Variants in ARMC9 observed in about 807,000 individuals in gnomAD.
ARMC9 encodes the protein armadillo repeat containing 9, also known as lisH domain-containing protein ARMC9.
Under a neutral mutation model 107.0 loss-of-function variants are expected in ARMC9, and 94 were observed. The observed-to-expected ratio is 0.88, with a 90% CI of 0.74 to 1.04. ARMC9 has a LOEUF of 1.04. Ranked by LOEUF, ARMC9 falls within the 50% of genes least tolerant of loss-of-function variation. The pLI is 0.00. For synonymous variants in ARMC9, 380 were observed against 396.9 expected (o/e 0.96, Z 0.51); for missense variants, 942 against 1,030.1 (o/e 0.91, Z 1.17).
At chr2:231,240,664 C>T (rs1020875461) in intron 9 of ARMC9, among the ~76,000 whole-genome samples, 13 of 152,182 alleles carry the variant, frequency 8.5e-5, no homozygotes, top group African/African-American at 3.1e-4. Flanking sequence ...TATACAGTTA[C>T]CAACTTCAGT....
chr2:231,339,039 A>G (rs914373753), intron 20 of ARMC9, among the ~76,000 whole-genome samples: 1 of 152,200 alleles, frequency 6.6e-6, no homozygotes, highest in Non-Finnish European at 1.5e-5. Context: ...CTTAAAAATT[A>G]TATGTATAGG....
chr2:231,299,633 G>T (rs766817085), intron 19 of ARMC9, among the ~76,000 whole-genome samples: 1 of 152,210 alleles, frequency 6.6e-6, no homozygotes, highest in Non-Finnish European at 1.5e-5. Flanking sequence ...GCACAGAAGA[G>T]CAATAGTGGC....
At chr2:231,234,853 G>A (rs923786084) in intron 7 of ARMC9, among the ~76,000 whole-genome samples, 5 of 152,168 alleles carry the variant, frequency 3.3e-5, no homozygotes, top group African/African-American at 7.2e-5. Context: ...TGATCTGCCC[G>A]CCTCGGCCTC....
At chr2:231,334,792 G>C (rs2043974428) in intron 20 of ARMC9, among the ~76,000 whole-genome samples, 1 of 152,134 alleles carries the variant, frequency 6.6e-6, no homozygotes, top group Non-Finnish European at 1.5e-5. Flanking sequence ...TGCCGGGTTG[G>C]GGATCTCAGA....
intron 19 of ARMC9, among the ~76,000 whole-genome samples, chr2:231,307,178 C>A (rs1385788850): frequency 6.6e-6 from 1 of 152,208 alleles, no homozygotes; most frequent in African/African-American, 2.4e-5. Flanking sequence ...GCGTGCCACA[C>A]CACAGGGAGT....
intron 8 of ARMC9, among the ~76,000 whole-genome samples, chr2:231,237,469 A>G (rs1471898797): frequency 6.6e-6 from 1 of 151,970 alleles, no homozygotes; most frequent in Non-Finnish European, 1.5e-5. Flanking sequence ...AATACTGTAC[A>G]TCTTGATAAA....
At chr2:231,245,290 T>C (rs974132666) in intron 9 of ARMC9, among the ~76,000 whole-genome samples, 5 of 152,228 alleles carry the variant, frequency 3.3e-5, no homozygotes, top group African/African-American at 1.2e-4. Context: ...GAGAAAGTTA[T>C]CCCTCAGGGC....
chr2:231,363,718 C>T (rs140569916), intron 23 of ARMC9, among the ~76,000 whole-genome samples: 1 of 151,998 alleles, frequency 6.6e-6, no homozygotes, highest in Non-Finnish European at 1.5e-5. Flanking sequence ...AACCCCGTCT[C>T]TACTAAAAAT....
chr2:231,244,388 A>T (rs2036570433), intron 9 of ARMC9, among the ~76,000 whole-genome samples: 1 of 140,266 alleles, frequency 7.1e-6, no homozygotes. Flanking sequence ...TTTTTTTGAG[A>T]CAGGGTCTCG....
chr2:231,245,510 T>A (rs992459144), intron 9 of ARMC9, among the ~76,000 whole-genome samples: 2 of 152,162 alleles, frequency 1.3e-5, no homozygotes, highest in Non-Finnish European at 2.9e-5. Context: ...TACACAAATA[T>A]GTTAGCTAGA....
chr2:231,254,689 TG>T (rs1262588527), intron 9 of ARMC9, among the ~76,000 whole-genome samples: 1 of 151,642 alleles, frequency 6.6e-6, no homozygotes, highest in Non-Finnish European at 1.5e-5. Flanking sequence ...TGAAAAAAAT[TG>T]AAAAAAATTT....
At chr2:231,334,325 C>T (rs745918671) in intron 20 of ARMC9, among the ~76,000 whole-genome samples, 2 of 152,238 alleles carry the variant, frequency 1.3e-5, no homozygotes, top group Admixed American at 6.5e-5. Flanking sequence ...CTCAGCTCCC[C>T]CGAAGGACTC....
At chr2:231,265,395 A>C (rs2038762921) in intron 12 of ARMC9, among the ~76,000 whole-genome samples, 1 of 152,236 alleles carries the variant, frequency 6.6e-6, no homozygotes, top group Admixed American at 6.5e-5. Flanking sequence ...TATATATACA[A>C]CATGAGATAC....
intron 20 of ARMC9, among the ~76,000 whole-genome samples, chr2:231,337,290 A>ATTTTTTTTTT (rs58078324): frequency 5.3e-5 from 2 of 38,016 alleles, no homozygotes; most frequent in East Asian, 8.8e-4. Context: ...ATATATATAT[A>ATTTTTTTTTT]TTTTTTTTTT....
intron 9 of ARMC9, among the ~76,000 whole-genome samples, chr2:231,248,676 G>A (rs1188422277): frequency 2.6e-5 from 4 of 151,812 alleles, no homozygotes; most frequent in East Asian, 1.9e-4. Flanking sequence ...GCGTGGTGGC[G>A]CACACCTATA....
chr2:231,286,621 C>T (rs2125461863), intron 17 of ARMC9, among the ~76,000 whole-genome samples: 1 of 152,256 alleles, frequency 6.6e-6, no homozygotes, highest in Non-Finnish European at 1.5e-5. Context: ...TCTAGTAATA[C>T]AGGAATTGCT....
At chr2:231,214,691 T>C (rs780730366) in intron 3 of ARMC9, 140 bp from the exon 4 acceptor site, 212 of 885,084 alleles carry the variant, frequency 2.4e-4, no homozygotes, top group Non-Finnish European at 3.4e-4. Context: ...CTCAGGAGCT[T>C]GAATCCTGTG....
intron 9 of ARMC9, among the ~76,000 whole-genome samples, chr2:231,251,175 C>CT (rs927463917): frequency 1.2e-4 from 18 of 150,928 alleles, no homozygotes; most frequent in South Asian, 2.1e-4. Flanking sequence ...GTTTCTTTTC[C>CT]TTTTTTTTTG....
chr2:231,361,132 A>T (rs558926336), intron 23 of ARMC9, among the ~76,000 whole-genome samples: 1 of 152,342 alleles, frequency 6.6e-6, no homozygotes, highest in East Asian at 1.9e-4. Context: ...AAGCATGCCC[A>T]TGGGACTAGT....
Sources: allele counts gnomAD v4.1 joint callset (sites outside exome capture counted in the v4.1 genomes callset), GRCh38; gene constraint gnomAD v4.1.1; transcripts MANE v1.5; gene names NCBI Gene and HGNC (gene_info 2026-07-23, HGNC 2026-07-21).